The following HSPA9 variants were observed in gnomAD, a reference collection of about 807,000 sequenced individuals.
The protein encoded by HSPA9 is heat shock protein family A (Hsp70) member 9, also known as stress-70 protein, mitochondrial.
In HSPA9, 28 loss-of-function variants were observed where a neutral mutation model predicts 81.5. The observed-to-expected ratio is 0.34, with a 90% CI of 0.25 to 0.47. The LOEUF is 0.47. HSPA9 is among the 20% of genes least tolerant of loss of function. The pLI is 1.00. For missense variants in HSPA9, 678 were observed against 838.0 expected, an observed-to-expected ratio of 0.81 and a Z score of 2.36; for synonymous variants, 293 against 290.4, an observed-to-expected ratio of 1.01 and a Z score of -0.09.
chr5:138,564,278 AT>A (rs1192798163), intron 9 of HSPA9, among the ~76,000 whole-genome samples: 3 of 151,976 alleles, frequency 2.0e-5, no homozygotes, highest in Non-Finnish European at 4.4e-5. Flanking sequence ...TAATTTTTGT[AT>A]TTTTAGTAGA....
intron 4 of HSPA9, among the ~76,000 whole-genome samples, chr5:138,570,411 C>T (rs1280095538): frequency 6.6e-6 from 1 of 152,120 alleles, no homozygotes; most frequent in Non-Finnish European, 1.5e-5. Flanking sequence ...CAACACTGAA[C>T]TATGTGGTTT....
intron 9 of HSPA9, among the ~76,000 whole-genome samples, chr5:138,565,480 C>T (rs1750742488): frequency 6.6e-6 from 1 of 152,194 alleles, no homozygotes; most frequent in South Asian, 2.1e-4. Context: ...AAAGGTGTCA[C>T]CGCTCTGCTT....
chr5:138,573,857 G>A lies in HSPA9; in HGVS notation c.141-7C>T, dbSNP rs768933003. On this transcript the variant is annotated splice_region_variant and splice_polypyrimidine_tract_variant and intron_variant, in intron 2 of 16. Coordinates refer to ENST00000297185, the MANE Select transcript of HSPA9 (RefSeq NM_004134.7). Reference sequence around the variant, plus strand: ...TCCCTTGATTGCTTCTGATCTGTAAGACATTTAGAACAGTGTCACAGCTAT... The same window carrying A: ...TCCCTTGATTGCTTCTGATCTGTAAAACATTTAGAACAGTGTCACAGCTAT... The A allele has an allele frequency of 3.7e-6, 6 of 1,604,448 alleles. No individual in the cohort carries two copies. The South Asian group carries it at 4.4e-5, about 12-fold the overall frequency.
In HSPA9 at chr5:138,575,344, C is replaced by G. The variant is rs773446267; in HGVS notation, c.-26G>C. The G allele has an allele frequency of 2.5e-6, 4 of 1,593,426 alleles. No homozygotes were observed. In the East Asian group the frequency reaches 9.0e-5, roughly 36 times the overall value. ...GGCGGATAAATGGAGGAGTACGAGG[C>G]AGCAAACAAGCGCTCCGACGGCAAA... On this transcript the variant is annotated 5_prime_UTR_variant, in exon 1 of 17. Coordinates refer to ENST00000297185, the MANE Select transcript of HSPA9 (RefSeq NM_004134.7).
In HSPA9 at chr5:138,566,638, G is replaced by A. The variant is rs1346525585; in HGVS notation, c.960C>T (p.Ser320=). The change falls in exon 9 of 17, where the codon TCC becomes TCT. Residue 320 remains serine (S), a synonymous_variant. Coordinates refer to ENST00000297185, the MANE Select transcript of HSPA9 (RefSeq NM_004134.7). The stretch of plus-strand genomic sequence containing the variant: ...TTCCGTGTCTCACCTGCACAGATGA[G>A]GAGAGTTCACATTTAGCCTTTTCAG... ...EAAEKAKCEL[S]SSVQTDINLP... The A allele has an allele frequency of 1.2e-6, 2 of 1,612,380 alleles. No homozygotes were observed. Among genetic ancestry groups the A allele is most frequent in the Non-Finnish European group, 1.7e-6 (2 of 1,178,486 alleles).
At chr5:138,574,994 C>A in intron 1 of HSPA9, 1 of 590,864 alleles carries the variant, frequency 1.7e-6, no homozygotes, top group Non-Finnish European at 3.0e-6. Context: ...GGACCACTAC[C>A]TGGTAATTTT....
rs758660828 is a variant in HSPA9, at chr5:138,555,349, GTATT to G, written c.*684_*687del. On this transcript the variant is annotated 3_prime_UTR_variant, in exon 17 of 17. Coordinates refer to ENST00000297185, the MANE Select transcript of HSPA9 (RefSeq NM_004134.7). ...CAAACAAGAGATCAAGATGCTTTCTGTATTTATTTAAAAAAAAAAAAATTCCAGA... is the reference window on the plus strand; with the variant it reads ...CAAACAAGAGATCAAGATGCTTTCTGTATTTAAAAAAAAAAAAATTCCAGA... 12 of 151,412 alleles carry G rather than the reference GTATT, an allele frequency of 7.9e-5. No homozygotes were observed. Among genetic ancestry groups the G allele is most frequent in the South Asian group, 2.1e-4 (1 of 4,812 alleles). 9.4% of individuals were successfully genotyped at this position (151,412 alleles called of 1,614,324 possible).
In HSPA9 at chr5:138,567,565, G is replaced by A. The variant is rs767081404; in HGVS notation, c.610-4C>T. ...TCTGGCCAGCATCTTTAGTGGCCTAGAGAAAACAAAGAGAAAAACATTTTT... is the reference window on the plus strand; with the variant it reads ...TCTGGCCAGCATCTTTAGTGGCCTAAAGAAAACAAAGAGAAAAACATTTTT... On this transcript the variant is annotated splice_region_variant and splice_polypyrimidine_tract_variant and intron_variant, in intron 6 of 16. Coordinates refer to ENST00000297185, the MANE Select transcript of HSPA9 (RefSeq NM_004134.7). 46 of 1,612,792 alleles carry A rather than the reference G, an allele frequency of 2.9e-5. No individual in the cohort carries two copies. The highest frequency in any genetic ancestry group is 1.6e-4 in the Middle Eastern group (1 of 6,084).
intron 16 of HSPA9, 116 bp from the exon 17 acceptor site, chr5:138,556,230 ACTCCCC>A: frequency 1.9e-6 from 2 of 1,041,244 alleles, no homozygotes; most frequent in South Asian, 1.3e-5. Flanking sequence ...TTTCTATTCC[ACTCCCC>A]CTCCCCACTT....
intron 1 of HSPA9, chr5:138,574,927 C>G: frequency 2.0e-6 from 1 of 500,690 alleles, no homozygotes. Context: ...TCCCAATAGA[C>G]TGCATCCCTC....
At position 138,557,855 on chromosome 5, in the gene HSPA9, A is replaced by AG. The variant is rs753722275; in HGVS notation, c.1633+13_1633+14insC. 1 of 1,527,024 alleles carries AG rather than the reference A, an allele frequency of 6.5e-7. No homozygotes were observed. Among genetic ancestry groups the AG allele is most frequent in the South Asian group, 1.1e-5 (1 of 89,364 alleles). The allele number at this position is 1,527,024 out of a possible 1,614,324, so 94.6% of individuals were successfully genotyped here. On this transcript the variant is annotated intron_variant, in intron 13 of 16. Transcript: ENST00000297185. Reference sequence around the variant, plus strand: ...TCACCTCACTCTTAGGGTCTGATAAACAAGGTGACTTACTCTGCTGCTCAC... The same window carrying AG: ...TCACCTCACTCTTAGGGTCTGATAAAGCAAGGTGACTTACTCTGCTGCTCAC...
chr5:138,567,907 G>A (rs187772326), intron 5 of HSPA9, among the ~76,000 whole-genome samples, 185 bp from the exon 6 acceptor site: 3 of 152,096 alleles, frequency 2.0e-5, no homozygotes, highest in African/African-American at 7.2e-5. Flanking sequence ...AGATCAGGCC[G>A]GGCACGGTGG....
At position 138,554,742 on chromosome 5, in the gene HSPA9, GC is replaced by G. The variant is rs1750484261; in HGVS notation, c.*1294del. 6.6e-6 allele frequency: 1 copy of G among 152,186 alleles called. No homozygotes were observed. The highest frequency in any genetic ancestry group is 6.5e-5 in the Admixed American group (1 of 15,280). The allele number at this position is 152,186 out of a possible 1,614,324, so 9.4% of individuals were successfully genotyped here. ...CATCCATGAAACATAAGGGAAATGT[GC>G]TGGAAGACTTTTGGGAAATCTTAAC... On this transcript the variant is annotated 3_prime_UTR_variant, in exon 17 of 17. Transcript: ENST00000297185.
rs1462816394 is a variant in HSPA9 at position 138,553,960 on chromosome 5, T to C, written c.*2077A>G. 6.6e-6 allele frequency among the ~76,000 whole-genome samples: 1 copy of C among 152,232 alleles called. No homozygotes were observed. Among genetic ancestry groups the C allele is most frequent in the Non-Finnish European group, 1.5e-5 (1 of 68,034 alleles). On this transcript the variant is annotated 3_prime_UTR_variant, in exon 17 of 17. Coordinates refer to ENST00000297185, the MANE Select transcript of HSPA9 (RefSeq NM_004134.7). ...CATCCATATTCTTCTAACCTCGGACTAGGACACCACTGTGTTCCTGGTCAC... is the reference window on the plus strand; with the variant it reads ...CATCCATATTCTTCTAACCTCGGACCAGGACACCACTGTGTTCCTGGTCAC...
Position 138,554,396 on chromosome 5 carries a change from T to C in HSPA9, c.*1641A>G, listed in dbSNP as rs973841436. 1.3e-5 allele frequency among the ~76,000 whole-genome samples: 2 copies of C among 152,202 alleles called. No individual in the cohort carries two copies. The highest frequency in any genetic ancestry group is 4.8e-5 in the African/African-American group (2 of 41,446). On this transcript the variant is annotated 3_prime_UTR_variant, in exon 17 of 17. Coordinates refer to ENST00000297185, the MANE Select transcript of HSPA9 (RefSeq NM_004134.7). ...GGCCAACCAAAAATGCTAAAAGTTATTTTCCAACACACCATATAACAATCC... is the reference window on the plus strand; with the variant it reads ...GGCCAACCAAAAATGCTAAAAGTTACTTTCCAACACACCATATAACAATCC...
At chr5:138,561,224 A>C in intron 10 of HSPA9, 1 of 370,836 alleles carries the variant, frequency 2.7e-6, no homozygotes, top group Non-Finnish European at 5.4e-6. Flanking sequence ...ACTTTGTTTC[A>C]ATCCTAAAAA....
chr5:138,575,079 T>G, intron 1 of HSPA9, 159 bp downstream of exon 1: 1 of 626,958 alleles, frequency 1.6e-6, no homozygotes, highest in South Asian at 2.0e-5. Context: ...GGCAAAATCT[T>G]GACCCGGCAG....
In HSPA9 at chr5:138,555,380, T is replaced by C. The variant is rs1411026186; in HGVS notation, c.*657A>G. 6.6e-6 allele frequency: 1 copy of C among 151,748 alleles called. No individual in the cohort carries two copies. The highest frequency in any genetic ancestry group is 2.4e-5 in the African/African-American group (1 of 41,304). 9.4% of individuals were successfully genotyped at this position (151,748 alleles called of 1,614,324 possible). A position where few individuals can be genotyped will look rare whatever the true frequency, so the allele number is the denominator to read the frequency against. ...ATTTAAAAAAAAAAAAATTCCAGAA[T>C]GGGTAAGAGAACAATCATCAAGGAT... is the stretch of plus-strand genomic sequence containing the variant. On this transcript the variant is annotated 3_prime_UTR_variant, in exon 17 of 17. Transcript: ENST00000297185.
At chr5:138,570,461 T>C (rs1487160777) in intron 4 of HSPA9, among the ~76,000 whole-genome samples, 1 of 152,200 alleles carries the variant, frequency 6.6e-6, no homozygotes, top group Non-Finnish European at 1.5e-5. Context: ...TGTCAATACA[T>C]AGCAAAGACC....
Sources: allele counts gnomAD v4.1 joint callset (sites outside exome capture counted in the v4.1 genomes callset), GRCh38; gene constraint gnomAD v4.1.1; transcripts MANE v1.5; gene names NCBI Gene and HGNC (gene_info 2026-07-23, HGNC 2026-07-21).